The following TAOK3 variants were observed in gnomAD, a reference collection of about 807,000 sequenced individuals.
The protein encoded by TAOK3 is TAO kinase 3, also known as serine/threonine-protein kinase TAO3.
A neutral mutation model predicts 120.4 loss-of-function variants in TAOK3; 40 were observed. That is an observed-to-expected ratio of 0.33 (90% CI 0.26 to 0.43). The LOEUF is 0.43. Among genes scored for constraint, TAOK3 ranks in the 20% least tolerant of loss-of-function variants. The pLI is 1.00. For missense variants in TAOK3, 821 were observed against 1,112.1 expected, an observed-to-expected ratio of 0.74 and a Z score of 3.72; for synonymous variants, 355 against 387.5, an observed-to-expected ratio of 0.92 and a Z score of 0.99.
chr12:118,355,229 T>C (rs1256139552), intron 1 of TAOK3, among the ~76,000 whole-genome samples: 1 of 152,190 alleles, frequency 6.6e-6, no homozygotes, highest in Non-Finnish European at 1.5e-5. Context: ...CTATGTTCTA[T>C]TGTCACCAAA....
At chr12:118,282,867 G>A (rs1026563749) in intron 1 of TAOK3, among the ~76,000 whole-genome samples, 2 of 152,228 alleles carry the variant, frequency 1.3e-5, no homozygotes, top group Admixed American at 6.5e-5. Flanking sequence ...ATGGAATATC[G>A]ACCTGTACTC....
intron 5 of TAOK3, among the ~76,000 whole-genome samples, chr12:118,240,291 T>C (rs2040193200): frequency 6.6e-6 from 1 of 150,894 alleles, no homozygotes; most frequent in African/African-American, 2.4e-5. Context: ...GCACTTCTCC[T>C]GCCTCAGCCT....
At chr12:118,301,821 AAC>A (rs1212217265) in intron 1 of TAOK3, among the ~76,000 whole-genome samples, 3 of 148,776 alleles carry the variant, frequency 2.0e-5, no homozygotes. Context: ...CAGCCTGGGC[AAC>A]AGAGTGAGAC....
intron 13 of TAOK3, among the ~76,000 whole-genome samples, chr12:118,197,392 G>A (rs945375124): frequency 6.6e-6 from 1 of 152,132 alleles, no homozygotes; most frequent in Admixed American, 6.6e-5. Flanking sequence ...GGAGAGAAAA[G>A]TATTGAAACA....
chr12:118,233,788 C>G, intron 8 of TAOK3, 23 bp from the exon 9 acceptor site: 1 of 1,562,892 alleles, frequency 6.4e-7, no homozygotes, highest in Non-Finnish European at 8.7e-7. Flanking sequence ...AGGTACAAAA[C>G]TCAAGTTGGA....
rs896565880 is a variant in TAOK3, at chr12:118,287,472, C to T, written c.-193-20713G>A. On this transcript the variant is annotated intron_variant, in intron 1 of 20. Transcript: ENST00000392533. ...TTCACCATGTTGGCTAGGCTGGTCA[C>T]GAACTGAATTTCCGATCAAAAAACA... 5.9e-5 allele frequency among the ~76,000 whole-genome samples: 9 copies of T among 152,118 alleles called. No individual in the cohort carries two copies. In the East Asian group the frequency reaches 1.4e-3, roughly 23 times the overall value.
intron 1 of TAOK3, among the ~76,000 whole-genome samples, chr12:118,325,275 T>G: frequency 6.6e-6 from 1 of 152,190 alleles, no homozygotes; most frequent in East Asian, 1.9e-4. Flanking sequence ...TAGTTCTGCT[T>G]TTAGTTGTTT....
chr12:118,327,909 A>G (rs933462353), intron 1 of TAOK3, among the ~76,000 whole-genome samples: 1 of 152,092 alleles, frequency 6.6e-6, no homozygotes, highest in Non-Finnish European at 1.5e-5. Context: ...TCCCAACAGG[A>G]CCCTTTTTCT....
At chr12:118,309,298 C>T (rs2043177068) in intron 1 of TAOK3, among the ~76,000 whole-genome samples, 2 of 141,642 alleles carry the variant, frequency 1.4e-5, no homozygotes, top group African/African-American at 5.3e-5. Context: ...CACTGCATTG[C>T]AGCCTGGGCA....
Position 118,151,037 on chromosome 12 carries a change from T to C in TAOK3, c.2657A>G (p.Asn886Ser). The change falls in exon 21 of 21, where the codon AAT (asparagine) becomes AGT (serine). Residue 886 changes from asparagine (N) to serine (S), a missense_variant. Asn to Ser is a conservative substitution (Grantham distance 46, BLOSUM62 1). Coordinates refer to ENST00000392533, the MANE Select transcript of TAOK3 (RefSeq NM_016281.4). Reference protein sequence around the residue: ...DMESLRMGFGNLVTLDFPKED... With the variant: ...DMESLRMGFGSLVTLDFPKED... ...CTTAGGAAAATCTAATGTAACCAAA[T>C]TCCCAAATCCCATTCTGAGGCTCTC... 1.9e-6 allele frequency: 3 copies of C among 1,610,092 alleles called. No individual in the cohort carries two copies. The highest frequency in any genetic ancestry group is 1.7e-6 in the Non-Finnish European group (2 of 1,179,350).
At chr12:118,338,178 G>C (rs1178417427) in intron 1 of TAOK3, among the ~76,000 whole-genome samples, 1 of 152,118 alleles carries the variant, frequency 6.6e-6, no homozygotes, top group Non-Finnish European at 1.5e-5. Context: ...TAGCTTATGT[G>C]CTGGTGGGAT....
intron 1 of TAOK3, among the ~76,000 whole-genome samples, chr12:118,324,353 A>G (rs1020161787): frequency 1.3e-4 from 20 of 152,356 alleles, no homozygotes; most frequent in Admixed American, 1.3e-3. Context: ...ATATAGATAC[A>G]TATCAAGCAT....
At chr12:118,302,571 C>A (rs2042918605) in intron 1 of TAOK3, among the ~76,000 whole-genome samples, 1 of 151,886 alleles carries the variant, frequency 6.6e-6, no homozygotes, top group South Asian at 2.1e-4. Context: ...GGTAAGAGGT[C>A]AAAGGTAAGA....
rs76664009 is a variant in TAOK3, at chr12:118,309,881, T to C, written c.-193-43122A>G. On this transcript the variant is annotated intron_variant, in intron 1 of 20. Transcript: ENST00000392533. Reference sequence around the variant, plus strand: ...GGTAGCAGATTATCCACAATTATTATTGTAGCTCAAAAACCTGAGTTTTCC... The same window carrying C: ...GGTAGCAGATTATCCACAATTATTACTGTAGCTCAAAAACCTGAGTTTTCC... 4.6e-5 allele frequency among the ~76,000 whole-genome samples: 7 copies of C among 152,244 alleles called. No individual in the cohort carries two copies. In the East Asian group the frequency reaches 9.7e-4, roughly 21 times the overall value.
At chr12:118,155,537 A>G (rs2034760657) in intron 19 of TAOK3, among the ~76,000 whole-genome samples, 2 of 152,186 alleles carry the variant, frequency 1.3e-5, no homozygotes, top group South Asian at 4.1e-4. Context: ...AACTACTTCA[A>G]AGGGGTTTCA....
chr12:118,168,934 C>T (rs1251653679), intron 17 of TAOK3, among the ~76,000 whole-genome samples: 2 of 151,690 alleles, frequency 1.3e-5, no homozygotes, highest in Non-Finnish European at 2.9e-5. Context: ...TCAAAATGTG[C>T]AGTACTGAAT....
chr12:118,250,402 C>A (rs2040698052), intron 3 of TAOK3, among the ~76,000 whole-genome samples: 1 of 152,192 alleles, frequency 6.6e-6, no homozygotes. Context: ...TTACAATTCA[C>A]ACTAAGTTTA....
At position 118,243,476 on chromosome 12, in the gene TAOK3, TGTC is replaced by T. The variant is rs764137249; in HGVS notation, c.230_232del (p.Arg77del). 6.5e-6 allele frequency: 10 copies of T among 1,535,994 alleles called. No homozygotes were observed. The highest frequency in any genetic ancestry group is 7.8e-6 in the Non-Finnish European group (9 of 1,149,940). ...CTCAATAGTATTAGGATGCTTCAAT[TGTC>T]GTAAAAATTTAACTTCCTTAAGAAT... On this transcript the variant is annotated inframe_deletion, in exon 5 of 21. Transcript: ENST00000392533.
At chr12:118,353,226 C>A (rs148396211) in intron 1 of TAOK3, among the ~76,000 whole-genome samples, 1 of 151,928 alleles carries the variant, frequency 6.6e-6, no homozygotes, top group Non-Finnish European at 1.5e-5. Context: ...AAAAATCACC[C>A]GAGAATTTGC....
Sources: gnomAD v4.1 joint callset for allele counts (sites outside exome capture counted in the v4.1 genomes callset) on GRCh38, gnomAD v4.1.1 for gene constraint, MANE v1.5 for transcripts, NCBI Gene and HGNC (gene_info 2026-07-23, HGNC 2026-07-21) for gene names.